The following LRRC37A2 variants were observed in gnomAD, a reference collection of about 807,000 sequenced individuals.
LRRC37A2 encodes the protein leucine rich repeat containing 37 member A2, also known as leucine-rich repeat-containing protein 37A2.
In LRRC37A2, 9 loss-of-function variants were observed where a neutral mutation model predicts 68.8. The ratio of observed to expected loss-of-function variants is 0.13; its 90% CI spans 0.08 to 0.23. The LOEUF (loss-of-function observed/expected upper bound fraction) is 0.23. Ranked by LOEUF, LRRC37A2 falls within the 10% of genes least tolerant of loss-of-function variation. The pLI is 1.00. For missense variants in LRRC37A2, 168 were observed against 950.4 expected (o/e 0.18, Z 10.82); for synonymous variants, 63 against 367.6 (o/e 0.17, Z 9.48).
chr17:46,750,456 G>C, the LRRC37A2 span, among the ~76,000 whole-genome samples: 1 of 152,208 alleles, frequency 6.6e-6, no homozygotes, highest in South Asian at 2.1e-4. Context: ...CTGGAAATCT[G>C]AAATGCTTCA....
the LRRC37A2 span, among the ~76,000 whole-genome samples, chr17:46,919,586 T>G: frequency 6.6e-6 from 1 of 152,192 alleles, no homozygotes; most frequent in African/African-American, 2.4e-5. Context: ...TATCCTCTGA[T>G]AGATTTTTCT....
At chr17:46,797,292 C>T in the LRRC37A2 span, among the ~76,000 whole-genome samples, 1 of 152,310 alleles carries the variant, frequency 6.6e-6, no homozygotes, top group Admixed American at 6.5e-5. Flanking sequence ...TCTGGAAAAG[C>T]TGTTCCAAAA....
the LRRC37A2 span, among the ~76,000 whole-genome samples, chr17:46,502,293 T>C: frequency 1.3e-5 from 2 of 151,100 alleles, no homozygotes; most frequent in East Asian, 1.9e-4. Context: ...CCCACTGTTA[T>C]CTAGTTTAAG....
chr17:47,002,939 C>CA, the LRRC37A2 span, among the ~76,000 whole-genome samples: 1 of 151,992 alleles, frequency 6.6e-6, no homozygotes, highest in Non-Finnish European at 1.5e-5. Flanking sequence ...GAAACTAACT[C>CA]AAAGACGAGT....
At chr17:46,946,660 C>T in the LRRC37A2 span, among the ~76,000 whole-genome samples, 1 of 152,068 alleles carries the variant, frequency 6.6e-6, no homozygotes, top group African/African-American at 2.4e-5. Context: ...GCCAGGAGTT[C>T]GAGACCAGCC....
chr17:46,816,814 C>G, the LRRC37A2 span, among the ~76,000 whole-genome samples: 4 of 152,292 alleles, frequency 2.6e-5, no homozygotes, highest in East Asian at 5.8e-4. Context: ...CCCAACCCAC[C>G]AGAGTCTCTG....
chr17:47,022,031 C>T, the LRRC37A2 span: 7 of 1,016,590 alleles, frequency 6.9e-6, 1 homozygote, highest in African/African-American at 1.1e-4. Context: ...CTCCTCCATG[C>T]CCCAAATCAA....
chr17:46,943,423 A>G, the LRRC37A2 span, among the ~76,000 whole-genome samples: 1 of 152,056 alleles, frequency 6.6e-6, no homozygotes, highest in Non-Finnish European at 1.5e-5. Flanking sequence ...TTCTCAGAAC[A>G]TGCCACACAC....
chr17:46,676,276 A>G, the LRRC37A2 span, among the ~76,000 whole-genome samples: 5 of 133,498 alleles, frequency 3.7e-5, no homozygotes, highest in Admixed American at 3.9e-4. Context: ...CTTGTTGCCC[A>G]GGCTGGAGTG....
the LRRC37A2 span, among the ~76,000 whole-genome samples, chr17:46,944,096 C>T: frequency 2.0e-3 from 312 of 152,314 alleles, 2 homozygotes; most frequent in Middle Eastern, 6.8e-3. Flanking sequence ...GGGCCAGGCC[C>T]AGGAGGGAAG....
chr17:46,712,015 G>T, the LRRC37A2 span, among the ~76,000 whole-genome samples: 1 of 152,198 alleles, frequency 6.6e-6, no homozygotes, highest in Non-Finnish European at 1.5e-5. Flanking sequence ...GCAATGGGAA[G>T]CCATTTGTAG....
the LRRC37A2 span, among the ~76,000 whole-genome samples, chr17:46,888,768 C>T: frequency 1.4e-3 from 211 of 152,218 alleles, no homozygotes; most frequent in African/African-American, 4.8e-3. Context: ...AGCAGCATAC[C>T]GTTCATAGCA....
chr17:46,841,666 C>T, the LRRC37A2 span, among the ~76,000 whole-genome samples: 2 of 152,228 alleles, frequency 1.3e-5, no homozygotes, highest in East Asian at 1.9e-4. Flanking sequence ...CGGGTAGGGG[C>T]TGGCCGGGAG....
At chr17:46,741,770 T>TTTGTTG in the LRRC37A2 span, among the ~76,000 whole-genome samples, 3 of 151,604 alleles carry the variant, frequency 2.0e-5, no homozygotes, top group Admixed American at 1.3e-4. Flanking sequence ...GGTTTTTGTT[T>TTTGTTG]TTGTTGTTGT....
chr17:46,990,212 A>G, the LRRC37A2 span, among the ~76,000 whole-genome samples: 1 of 152,216 alleles, frequency 6.6e-6, no homozygotes, highest in East Asian at 1.9e-4. Context: ...CAGACACAGA[A>G]GAGTCAAAAC....
the LRRC37A2 span, among the ~76,000 whole-genome samples, chr17:46,988,303 T>C: frequency 6.6e-6 from 1 of 152,064 alleles, no homozygotes; most frequent in Non-Finnish European, 1.5e-5. Context: ...AGAACCAAGA[T>C]TGGTGGTTGC....
chr17:46,769,315 C>CAAAAAAAAAAA, the LRRC37A2 span, among the ~76,000 whole-genome samples: 2 of 102,862 alleles, frequency 1.9e-5, no homozygotes, highest in African/African-American at 3.6e-5. Context: ...GACTCCGTCT[C>CAAAAAAAAAAA]AAAAAAAAAA....
the LRRC37A2 span, among the ~76,000 whole-genome samples, chr17:47,022,691 T>C: frequency 1.7e-4 from 26 of 152,370 alleles, no homozygotes; most frequent in East Asian, 9.6e-4. Context: ...TCTTACAACG[T>C]GATTCTTTCA....
At chr17:46,721,501 A>C in the LRRC37A2 span, 1 of 862,534 alleles carries the variant, frequency 1.2e-6, no homozygotes, top group South Asian at 1.4e-5. Flanking sequence ...TCTACAGGAA[A>C]CTTCATAATA....
Sources: gnomAD v4.1 joint callset for allele counts (sites outside exome capture counted in the v4.1 genomes callset) on GRCh38, gnomAD v4.1.1 for gene constraint, MANE v1.5 for transcripts, NCBI Gene and HGNC (gene_info 2026-07-23, HGNC 2026-07-21) for gene names.